DHRSX: variants seen among roughly 807,000 people sequenced by gnomAD.
DHRSX encodes polyprenol dehydrogenase.
Under a neutral mutation model 34.0 loss-of-function variants are expected in DHRSX, and 31 were observed. The observed-to-expected ratio is 0.91, with a 90% CI of 0.69 to 1.23. DHRSX has a LOEUF of 1.23. Ranked by LOEUF, DHRSX falls within the 50% of genes most tolerant of loss-of-function variation. DHRSX has a pLI of 0.00. For missense variants in DHRSX, 414 were observed against 428.1 expected, an observed-to-expected ratio of 0.97 and a Z score of 0.29; for synonymous variants, 201 against 183.8, an observed-to-expected ratio of 1.09 and a Z score of -0.76.
intron 2 of DHRSX, among the ~76,000 whole-genome samples, chrX:2,418,838 A>G (rs2043731634): frequency 6.6e-6 from 1 of 152,222 alleles, no homozygotes; most frequent in Non-Finnish European, 1.5e-5. Flanking sequence ...TTAATGATAC[A>G]GCAGATATCC....
chrX:2,251,965 T>A lies in DHRSX; in HGVS notation c.597-8735A>T, dbSNP rs190003986. On this transcript the variant is annotated intron_variant, in intron 5 of 6. Coordinates refer to ENST00000334651, the MANE Select transcript of DHRSX (RefSeq NM_145177.3). ...AGAGATTGGAAGAATTGGCTGGGTA[T>A]GGTGGCTTATGTCTGTAATCCCAGC... Among the ~76,000 whole-genome samples, 245 of 152,164 alleles carry A rather than the reference T, an allele frequency of 1.6e-3. 1 individual carries two copies. The highest frequency in any genetic ancestry group is 5.6e-3 in the African/African-American group (233 of 41,538).
Position 2,304,060 on chromosome X carries a change from GAT to G in DHRSX, c.287-12459_287-12458del, listed in dbSNP as rs1569485816. Among the ~76,000 whole-genome samples, 174 of 103,654 alleles carry G rather than the reference GAT, an allele frequency of 1.7e-3. 2 individuals are homozygous for G. Among genetic ancestry groups the G allele is most frequent in the African/African-American group, 4.9e-3 (160 of 32,698 alleles). 68.0% of individuals were successfully genotyped at this position (103,654 alleles called of 152,430 possible). A position where few individuals can be genotyped will look rare whatever the true frequency, so the allele number is the denominator to read the frequency against. On this transcript the variant is annotated intron_variant, in intron 3 of 6. Transcript: ENST00000334651. ...GGATGGATGGATGGATGGATGGATG[GAT>G]GGGTGGATGGATGGATGGGTGGGTG...
chrX:2,263,501 A>G (rs2041391355), intron 5 of DHRSX, among the ~76,000 whole-genome samples: 1 of 148,626 alleles, frequency 6.7e-6, no homozygotes, highest in African/African-American at 2.5e-5. Flanking sequence ...CAAACTATGG[A>G]ATTTTTCTTT....
chrX:2,435,028 G>C (rs2043975855), intron 1 of DHRSX, among the ~76,000 whole-genome samples: 1 of 150,658 alleles, frequency 6.6e-6, no homozygotes. Flanking sequence ...CAGAAATAGA[G>C]AACAGACTAG....
intron 3 of DHRSX, among the ~76,000 whole-genome samples, chrX:2,359,301 G>T (rs188904203): frequency 6.6e-6 from 1 of 152,336 alleles, no homozygotes; most frequent in East Asian, 1.9e-4. Flanking sequence ...ACATGCACGT[G>T]TATGTTCGTG....
chrX:2,469,949 T>C (rs1476998662), intron 1 of DHRSX, among the ~76,000 whole-genome samples: 9 of 152,018 alleles, frequency 5.9e-5, no homozygotes, highest in Non-Finnish European at 1.2e-4. Flanking sequence ...GATACCTGCA[T>C]CCCCTGTGCC....
chrX:2,490,009 C>T, intron 1 of DHRSX: 4 of 1,613,884 alleles, frequency 2.5e-6, no homozygotes, highest in South Asian at 1.1e-5. Flanking sequence ...CTTCGGGCAC[C>T]TCGAAGGTCT....
chrX:2,231,785 CTGTT>C (rs1241364632), intron 6 of DHRSX, among the ~76,000 whole-genome samples: 1 of 147,462 alleles, frequency 6.8e-6, no homozygotes, highest in Non-Finnish European at 1.5e-5. Context: ...TATCCTCCTC[CTGTT>C]TTTCTCTCTA....
chrX:2,448,658 T>G (rs369798310), intron 1 of DHRSX, among the ~76,000 whole-genome samples: 11 of 152,318 alleles, frequency 7.2e-5, no homozygotes, highest in African/African-American at 2.4e-4. Flanking sequence ...CAATGTGTAC[T>G]TGGATTAAAA....
intron 6 of DHRSX, among the ~76,000 whole-genome samples, chrX:2,235,384 C>T (rs2015987995): frequency 2.0e-5 from 3 of 152,128 alleles, no homozygotes; most frequent in Non-Finnish European, 4.4e-5. Flanking sequence ...CACCGCTGTG[C>T]AATGTCTCCA....
intron 1 of DHRSX, among the ~76,000 whole-genome samples, chrX:2,481,636 A>C (rs1026260455): frequency 1.3e-5 from 2 of 150,574 alleles, no homozygotes; most frequent in African/African-American, 5.0e-5. Context: ...ATTGCACTCC[A>C]GCCTGGGCAA....
chrX:2,357,856 T>G, intron 3 of DHRSX, among the ~76,000 whole-genome samples: 1 of 152,112 alleles, frequency 6.6e-6, no homozygotes, highest in East Asian at 1.9e-4. Flanking sequence ...TTCACCTACA[T>G]AACGGTGGTT....
chrX:2,455,575 C>G (rs1481887681), intron 1 of DHRSX, among the ~76,000 whole-genome samples: 1 of 151,850 alleles, frequency 6.6e-6, no homozygotes, highest in African/African-American at 2.4e-5. Context: ...AACCCTGTCA[C>G]TACTAAAAAT....
intron 5 of DHRSX, among the ~76,000 whole-genome samples, chrX:2,248,613 C>CAGAAAAAA (rs1436886433): frequency 5.7e-5 from 1 of 17,526 alleles, no homozygotes; most frequent in African/African-American, 1.4e-4. Context: ...GACTCTGTCT[C>CAGAAAAAA]AAAAAAAAAA....
chrX:2,358,472 T>C (rs1263758665), intron 3 of DHRSX, among the ~76,000 whole-genome samples: 5 of 151,726 alleles, frequency 3.3e-5, no homozygotes, highest in Non-Finnish European at 5.9e-5. Flanking sequence ...CCGAGGCGGG[T>C]GGATCACAAG....
chrX:2,500,402 G>A (rs753661189), intron 1 of DHRSX: 2 of 170,160 alleles, frequency 1.2e-5, no homozygotes, highest in South Asian at 9.8e-5. Context: ...GACCGCAGGC[G>A]GCAGGCAGAG....
At chrX:2,406,661 G>A (rs1238392016) in intron 3 of DHRSX, among the ~76,000 whole-genome samples, 5 of 151,986 alleles carry the variant, frequency 3.3e-5, no homozygotes, top group African/African-American at 1.2e-4. Context: ...GGCTGGTCTC[G>A]AACTCCTGAC....
At chrX:2,499,759 C>T (rs1394449595) in intron 1 of DHRSX, among the ~76,000 whole-genome samples, 1 of 152,010 alleles carries the variant, frequency 6.6e-6, no homozygotes, top group Non-Finnish European at 1.5e-5. Context: ...AAAATTAAAA[C>T]ATTAGACAGG....
chrX:2,371,561 C>T (rs976869799), intron 3 of DHRSX, among the ~76,000 whole-genome samples: 4 of 118,886 alleles, frequency 3.4e-5, no homozygotes, highest in Non-Finnish European at 7.2e-5. Flanking sequence ...TACCATAGTC[C>T]CTCCTTCCAT....
Sources: gnomAD v4.1 joint callset for allele counts (sites outside exome capture counted in the v4.1 genomes callset) on GRCh38, gnomAD v4.1.1 for gene constraint, MANE v1.5 for transcripts, NCBI Gene and HGNC (gene_info 2026-07-23, HGNC 2026-07-21) for gene names.